SLC25A17: variants seen among roughly 807,000 people sequenced by gnomAD.
The protein encoded by SLC25A17 is solute carrier family 25 member 17.
SLC25A17 carries 26 observed loss-of-function variants against 38.5 expected under a neutral mutation model. That is an observed-to-expected ratio of 0.68 (90% CI 0.50 to 0.94). The LOEUF is 0.94. SLC25A17 is among the 40% of genes least tolerant of loss of function. The pLI is 0.00. For synonymous variants in SLC25A17, 139 were observed against 136.2 expected, an observed-to-expected ratio of 1.02 and a Z score of -0.14; for missense variants, 333 against 372.7, an observed-to-expected ratio of 0.89 and a Z score of 0.88.
intron 1 of SLC25A17, among the ~76,000 whole-genome samples, 196 bp from the exon 2 acceptor site, chr22:40,799,279 G>T (rs2057459694): frequency 6.6e-6 from 1 of 151,724 alleles, no homozygotes; most frequent in African/African-American, 2.4e-5. Flanking sequence ...TACCCTCCAG[G>T]TGTATATCAC....
At chr22:40,773,387 G>A (rs1268772595) in intron 8 of SLC25A17, among the ~76,000 whole-genome samples, 2 of 137,242 alleles carry the variant, frequency 1.5e-5, no homozygotes, top group Non-Finnish European at 3.0e-5. Flanking sequence ...TCCAGCCCGG[G>A]CAACAGAGCG....
At chr22:40,772,504 T>C (rs2057194440) in intron 8 of SLC25A17, among the ~76,000 whole-genome samples, 1 of 152,054 alleles carries the variant, frequency 6.6e-6, no homozygotes, top group Admixed American at 6.6e-5. Flanking sequence ...GGTCTCACTA[T>C]GTTGCCCAGG....
At chr22:40,777,501 C>A in intron 5 of SLC25A17, 128 bp from the exon 6 acceptor site, 1 of 1,125,524 alleles carries the variant, frequency 8.9e-7, no homozygotes. Context: ...TTCCTTCTTG[C>A]AGCCGGTTGC....
At chr22:40,803,913 G>A (rs2057506208) in intron 1 of SLC25A17, among the ~76,000 whole-genome samples, 1 of 151,194 alleles carries the variant, frequency 6.6e-6, no homozygotes, top group Admixed American at 6.6e-5. Context: ...GTTTCCAGCT[G>A]AGCCATCTGA....
chr22:40,775,436 GTTTTTTTTTTTTTTTTTTTTTT>G (rs71200615), intron 7 of SLC25A17, among the ~76,000 whole-genome samples: 40,108 of 86,606 alleles, frequency 0.46, 7,043 homozygotes, highest in East Asian at 0.7. Context: ...AGATCTGATG[GTTTTTTTTTTTTTTTTTTTTTT>G]TTTTTTTTTT....
intron 1 of SLC25A17, among the ~76,000 whole-genome samples, chr22:40,807,820 G>C (rs941197608): frequency 6.6e-6 from 1 of 152,094 alleles, no homozygotes; most frequent in African/African-American, 2.4e-5. Context: ...CTATACCTCA[G>C]GGACTTGCTA....
At chr22:40,792,117 A>G (rs754304685) in intron 4 of SLC25A17, among the ~76,000 whole-genome samples, 4 of 152,226 alleles carry the variant, frequency 2.6e-5, no homozygotes, top group Non-Finnish European at 4.4e-5. Context: ...CATTATACTA[A>G]GTGAAGTAAG....
chr22:40,787,826 A>G lies in SLC25A17; in HGVS notation c.334+4699T>C, dbSNP rs2057351996. Among the ~76,000 whole-genome samples, 4 of 152,384 alleles carry G rather than the reference A, an allele frequency of 2.6e-5. No individual in the cohort carries two copies. In the South Asian group the frequency reaches 6.2e-4, roughly 24 times the overall value. ...AGCTCCATACAAAAATGAAGATGGT[A>G]TAATGATGTGAGTTCAAAGAAAATG... On this transcript the variant is annotated intron_variant, in intron 4 of 8. Transcript: ENST00000435456.
Position 40,819,335 on chromosome 22 carries a change from T to G in SLC25A17, c.-87A>C. 7.1e-7 allele frequency: 1 copy of G among 1,399,624 alleles called. No homozygotes were observed. Among genetic ancestry groups the G allele is most frequent in the Non-Finnish European group, 9.8e-7 (1 of 1,024,740 alleles). 86.7% of individuals were successfully genotyped at this position (1,399,624 alleles called of 1,614,324 possible). On this transcript the variant is annotated 5_prime_UTR_variant, in exon 1 of 9. Transcript: ENST00000435456. The stretch of plus-strand genomic sequence containing the variant: ...AGGAAAGGAGCACCGGAGCTCAGGG[T>G]GTGAGAGTCGCAATCCCCGCCCTCT...
intron 8 of SLC25A17, among the ~76,000 whole-genome samples, chr22:40,773,451 G>A (rs1401843070): frequency 1.4e-5 from 2 of 143,776 alleles, no homozygotes; most frequent in South Asian, 4.5e-4. Context: ...GATTACCTAT[G>A]TGTAGCCTCT....
intron 2 of SLC25A17, among the ~76,000 whole-genome samples, chr22:40,795,770 G>A (rs982352004): frequency 2.6e-5 from 4 of 151,922 alleles, no homozygotes; most frequent in African/African-American, 9.7e-5. Context: ...AGCAAAGCCA[G>A]TATTAACATT....
At chr22:40,814,736 G>C (rs2057617644) in intron 1 of SLC25A17, among the ~76,000 whole-genome samples, 1 of 147,904 alleles carries the variant, frequency 6.8e-6, no homozygotes, top group Admixed American at 6.7e-5. Context: ...GTAGGATGAG[G>C]AAAGGCAGTA....
intron 1 of SLC25A17, among the ~76,000 whole-genome samples, chr22:40,802,134 T>C (rs1367384903): frequency 6.6e-6 from 1 of 152,028 alleles, no homozygotes; most frequent in Non-Finnish European, 1.5e-5. Context: ...ACAGGGCATC[T>C]CCAGACAGAA....
intron 7 of SLC25A17, among the ~76,000 whole-genome samples, chr22:40,775,819 TGAA>T (rs1264596136): frequency 1.3e-5 from 2 of 152,216 alleles, no homozygotes; most frequent in African/African-American, 4.8e-5. Context: ...TGCCGCCATG[TGAA>T]GAAGGACATG....
intron 1 of SLC25A17, among the ~76,000 whole-genome samples, chr22:40,809,658 A>G (rs1228986621): frequency 1.3e-5 from 2 of 151,890 alleles, no homozygotes; most frequent in Non-Finnish European, 2.9e-5. Flanking sequence ...ACAAAACCAA[A>G]TATCTCAATG....
chr22:40,801,522 CAACAT>C (rs1239522517), intron 1 of SLC25A17, among the ~76,000 whole-genome samples: 3 of 151,880 alleles, frequency 2.0e-5, no homozygotes, highest in African/African-American at 7.3e-5. Flanking sequence ...TTGATGACCC[CAACAT>C]AACTGTTCTT....
intron 1 of SLC25A17, among the ~76,000 whole-genome samples, chr22:40,815,209 T>C (rs538167169): frequency 3.3e-5 from 5 of 152,130 alleles, no homozygotes; most frequent in Admixed American, 3.3e-4. Context: ...ATTGGTATAG[T>C]TTTCTGATGG....
intron 1 of SLC25A17, 127 bp downstream of exon 1, chr22:40,819,068 C>G: frequency 1.0e-6 from 1 of 987,382 alleles, no homozygotes; most frequent in East Asian, 2.6e-5. Context: ...CTCTGCCCCA[C>G]AGTCATGACA....
chr22:40,812,069 T>C (rs185593099), intron 1 of SLC25A17, among the ~76,000 whole-genome samples: 37 of 152,220 alleles, frequency 2.4e-4, no homozygotes, highest in Admixed American at 2.2e-3. Context: ...TTTTAACTTA[T>C]TTATTTTTAG....
Sources: gnomAD v4.1 joint callset for allele counts (sites outside exome capture counted in the v4.1 genomes callset) on GRCh38, gnomAD v4.1.1 for gene constraint, MANE v1.5 for transcripts, NCBI Gene and HGNC (gene_info 2026-07-23, HGNC 2026-07-21) for gene names.